TENM3: variants seen among roughly 807,000 people sequenced by gnomAD.
TENM3 encodes teneurin-3.
TENM3 carries 63 observed loss-of-function variants against 255.1 expected under a neutral mutation model. The ratio of observed to expected loss-of-function variants is 0.25; its 90% CI spans 0.20 to 0.30. The LOEUF (loss-of-function observed/expected upper bound fraction) is 0.30, where lower values mean the gene tolerates loss of function less well. Among genes scored for constraint, TENM3 ranks in the 10% least tolerant of loss-of-function variants. The pLI, the probability that TENM3 is intolerant of heterozygous loss-of-function variation, is 1.00. For synonymous variants in TENM3, 1,306 were observed against 1,322.3 expected (o/e 0.99, Z 0.27); for missense variants, 2,929 against 3,461.1 (o/e 0.85, Z 3.86).
chr4:182,009,828 G>A, the TENM3 span, among the ~76,000 whole-genome samples: 134 of 152,342 alleles, frequency 8.8e-4, no homozygotes, highest in Middle Eastern at 6.8e-3. Context: ...GCTAGGCCCC[G>A]GTGGCCTGGG....
intron 3 of TENM3, among the ~76,000 whole-genome samples, chr4:182,444,622 C>T (rs968986371): frequency 1.3e-5 from 2 of 152,136 alleles, no homozygotes; most frequent in Admixed American, 6.5e-5. Flanking sequence ...TTCCTGACCT[C>T]TTGAGGTAAT....
At chr4:181,732,909 G>A in the TENM3 span, among the ~76,000 whole-genome samples, 1 of 152,120 alleles carries the variant, frequency 6.6e-6, no homozygotes, top group East Asian at 1.9e-4. Flanking sequence ...ATTTCCAGGA[G>A]ATAATTTTGG....
chr4:181,888,618 G>GTGTGTGGA, the TENM3 span, among the ~76,000 whole-genome samples: 7,492 of 111,630 alleles, frequency 0.067, 477 homozygotes, highest in East Asian at 0.17. Context: ...GTGTGTGTGT[G>GTGTGTGGA]GAAAGAGAGA....
At chr4:181,760,986 A>ATG in the TENM3 span, among the ~76,000 whole-genome samples, 2 of 110,054 alleles carry the variant, frequency 1.8e-5, no homozygotes. Context: ...ACACACACAC[A>ATG]CACACACACA....
the TENM3 span, among the ~76,000 whole-genome samples, chr4:181,853,937 G>T: frequency 6.6e-6 from 1 of 152,156 alleles, no homozygotes; most frequent in African/African-American, 2.4e-5. Flanking sequence ...TTTGTTGAAA[G>T]AATCTTATTA....
chr4:181,974,972 A>G, the TENM3 span, among the ~76,000 whole-genome samples: 6 of 152,106 alleles, frequency 3.9e-5, no homozygotes, highest in South Asian at 2.1e-4. Flanking sequence ...CCCGGTGTCT[A>G]TTAGTTCCAT....
intron 3 of TENM3, among the ~76,000 whole-genome samples, chr4:182,571,900 A>G (rs774607639): frequency 4.5e-4 from 68 of 151,968 alleles, no homozygotes; most frequent in Admixed American, 1.5e-3. Flanking sequence ...AAAACTGTTT[A>G]TTGTTGTTGT....
intron 3 of TENM3, among the ~76,000 whole-genome samples, chr4:182,558,687 G>A (rs771558059): frequency 1.3e-5 from 2 of 152,012 alleles, no homozygotes; most frequent in Non-Finnish European, 2.9e-5. Flanking sequence ...AGCACAAAAT[G>A]GCATGCATTA....
At chr4:182,360,861 A>G (rs761781096) in intron 3 of TENM3, among the ~76,000 whole-genome samples, 2 of 152,022 alleles carry the variant, frequency 1.3e-5, no homozygotes, top group South Asian at 2.1e-4. Context: ...GGCTGGTACT[A>G]GTTGTTCCTT....
chr4:182,225,233 G>A (rs1381986645), intron 1 of TENM3, among the ~76,000 whole-genome samples: 1 of 152,110 alleles, frequency 6.6e-6, no homozygotes, highest in Non-Finnish European at 1.5e-5. Context: ...AGCAATTATT[G>A]TTGTTTTGGG....
At chr4:181,651,365 C>T in the TENM3 span, among the ~76,000 whole-genome samples, 1 of 152,054 alleles carries the variant, frequency 6.6e-6, no homozygotes, top group Non-Finnish European at 1.5e-5. Flanking sequence ...TTTGAGAGGC[C>T]AAGGCAGATG....
chr4:181,553,722 T>C, the TENM3 span, among the ~76,000 whole-genome samples: 5 of 152,104 alleles, frequency 3.3e-5, no homozygotes, highest in Non-Finnish European at 7.3e-5. Context: ...ATTACAGGCG[T>C]GAGCCACCGC....
At chr4:181,920,758 T>C in the TENM3 span, among the ~76,000 whole-genome samples, 1 of 151,980 alleles carries the variant, frequency 6.6e-6, no homozygotes, top group South Asian at 2.1e-4. Context: ...TTTGTCAATT[T>C]TGTCTTTTGT....
chr4:182,771,168 C>A (rs1367593017), intron 22 of TENM3, among the ~76,000 whole-genome samples: 1 of 152,122 alleles, frequency 6.6e-6, no homozygotes, highest in Admixed American at 6.6e-5. Flanking sequence ...TGTGGTAAGC[C>A]AATGAAAGAG....
At chr4:182,402,306 G>A (rs1769264414) in intron 3 of TENM3, among the ~76,000 whole-genome samples, 1 of 152,100 alleles carries the variant, frequency 6.6e-6, no homozygotes, top group Non-Finnish European at 1.5e-5. Flanking sequence ...TATCTAGATG[G>A]GCAAAATATT....
the TENM3 span, among the ~76,000 whole-genome samples, chr4:181,994,628 G>C: frequency 7.4e-6 from 1 of 134,244 alleles, no homozygotes; most frequent in South Asian, 2.4e-4. Context: ...GCCAATAGTT[G>C]TATTGATAAA....
the TENM3 span, among the ~76,000 whole-genome samples, chr4:181,771,406 GA>G: frequency 6.6e-6 from 1 of 152,184 alleles, no homozygotes; most frequent in East Asian, 1.9e-4. Context: ...GTATCCTCTA[GA>G]CCAGTGGCTG....
chr4:182,017,224 A>G, the TENM3 span, among the ~76,000 whole-genome samples: 876 of 152,360 alleles, frequency 5.7e-3, 3 homozygotes, highest in Middle Eastern at 0.01. Flanking sequence ...GGCCATGTCT[A>G]TCACCAGGCC....
chr4:182,369,654 G>C (rs1012262725), intron 3 of TENM3, among the ~76,000 whole-genome samples: 1 of 152,194 alleles, frequency 6.6e-6, no homozygotes, highest in African/African-American at 2.4e-5. Context: ...GCTGAGGCAG[G>C]CCGATCACCT....
Sources: allele counts gnomAD v4.1 joint callset (sites outside exome capture counted in the v4.1 genomes callset), GRCh38; gene constraint gnomAD v4.1.1; transcripts MANE v1.5; gene names NCBI Gene and HGNC (gene_info 2026-07-23, HGNC 2026-07-21).